Variants in PRMT8 observed in about 807,000 individuals in gnomAD.
The protein encoded by PRMT8 is protein arginine methyltransferase 8.
PRMT8 carries 7 observed loss-of-function variants against 47.1 expected under a neutral mutation model. The observed-to-expected ratio is 0.15, with a 90% CI of 0.08 to 0.28. The LOEUF is 0.28. PRMT8 is among the 10% of genes least tolerant of loss of function. The pLI is 1.00. For missense variants in PRMT8, 237 were observed against 505.4 expected (o/e 0.47, Z 5.09); for synonymous variants, 188 against 186.5 (o/e 1.01, Z -0.07).
intron 6 of PRMT8, among the ~76,000 whole-genome samples, chr12:3,574,238 G>A (rs1050512795): frequency 6.6e-6 from 1 of 152,242 alleles, no homozygotes; most frequent in Non-Finnish European, 1.5e-5. Flanking sequence ...GGAGCGTTTA[G>A]AGAAGGTCTC....
chr12:3,583,127 C>T lies in PRMT8; in HGVS notation c.898C>T (p.Arg300Cys), dbSNP rs1449179439. 3.7e-6 allele frequency: 6 copies of T among 1,613,916 alleles called. No individual in the cohort carries two copies. Among genetic ancestry groups the T allele is most frequent in the Non-Finnish European group, 5.1e-6 (6 of 1,179,946 alleles). The change falls in exon 8 of 10, where the codon CGC (arginine) becomes TGC (cysteine). Residue 300 changes from arginine to cysteine, a missense_variant. This residue lies in a region of PRMT8 where 151 missense variants were observed against 341.1 expected (regional missense o/e 0.44). Coordinates refer to ENST00000382622, the MANE Select transcript of PRMT8 (RefSeq NM_019854.5). This position sits in a 1 kb window ranked among gnomAD's most constrained non-coding sequence, Gnocchi z 4.7. ...FTSAFCLQIQ[R>C]NDYVHALVTY... The stretch of plus-strand genomic sequence containing the variant: ...ATCTGCATTCTGCCTGCAGATACAG[C>T]GCAACGACTACGTCCACGCCCTGGT...
intron 8 of PRMT8, among the ~76,000 whole-genome samples, chr12:3,591,566 G>C (rs889409023): frequency 2.6e-5 from 4 of 152,010 alleles, no homozygotes; most frequent in African/African-American, 7.3e-5. Flanking sequence ...ACAGATGTGT[G>C]CTACCACACT....
chr12:3,392,695 A>G (rs901478348), intron 1 of PRMT8, among the ~76,000 whole-genome samples: 2 of 152,172 alleles, frequency 1.3e-5, no homozygotes, highest in African/African-American at 4.8e-5. Context: ...TCTTTAAAGC[A>G]GCATGATTTG....
At position 3,451,033 on chromosome 12, in the gene PRMT8, A is replaced by ACCCCCCCCCCCC. The variant is rs71061115; in HGVS notation, c.48+69602_48+69613dup. Among the ~76,000 whole-genome samples, 19 of 26,120 alleles carry ACCCCCCCCCCCC rather than the reference A, an allele frequency of 7.3e-4. 8 individuals are homozygous for ACCCCCCCCCCCC. Among genetic ancestry groups the ACCCCCCCCCCCC allele is most frequent in the Non-Finnish European group, 1.0e-3 (15 of 15,062 alleles). The allele number at this position is 26,120 out of a possible 152,430, so 17.1% of individuals were successfully genotyped here. On this transcript the variant is annotated intron_variant, in intron 1 of 9. Transcript: ENST00000452611. ...TGAAAGCAGTTTTGATCTTGCTGAC[A>ACCCCCCCCCCCC]CCCCCCCCCCCCCCCCCCCCCCGCC... is the stretch of plus-strand genomic sequence containing the variant.
At position 3,538,771 on chromosome 12, in the gene PRMT8, C is replaced by T. The variant is rs1277308314; in HGVS notation, c.76-1835C>T. ...AGTCTATTTTTAGCCTCCCAGAGAC[C>T]GTGACCAACATCCCAAGCTGAGAGT... is the stretch of plus-strand genomic sequence containing the variant. On this transcript the variant is annotated intron_variant, in intron 1 of 9. Coordinates refer to ENST00000382622, the MANE Select transcript of PRMT8 (RefSeq NM_019854.5). The surrounding 1 kb of genome is among the most constrained non-coding windows in gnomAD (Gnocchi z 4.6). The T allele has an allele frequency of 4.6e-5, 24 of 517,662 alleles. No homozygotes were observed. The highest frequency in any genetic ancestry group is 2.2e-4 in the South Asian group (16 of 71,430). 32.1% of individuals were successfully genotyped at this position (517,662 alleles called of 1,614,324 possible).
intron 4 of PRMT8, among the ~76,000 whole-genome samples, chr12:3,567,377 GCTCTCATCA>G (rs1175705642): frequency 6.6e-6 from 1 of 152,214 alleles, no homozygotes; most frequent in African/African-American, 2.4e-5. Flanking sequence ...CAGAGCCCAT[GCTCTCATCA>G]AAATATCAAT....
chr12:3,386,776 C>T (rs1387958128), intron 1 of PRMT8, among the ~76,000 whole-genome samples: 3 of 151,204 alleles, frequency 2.0e-5, no homozygotes, highest in Non-Finnish European at 4.4e-5. Context: ...ATGGCGCAAT[C>T]GTGGCTCACT....
At chr12:3,584,707 C>T (rs1867134399) in intron 8 of PRMT8, among the ~76,000 whole-genome samples, 1 of 152,184 alleles carries the variant, frequency 6.6e-6, no homozygotes, top group South Asian at 2.1e-4. Context: ...AGTGAGTGCA[C>T]AAGCACATGC....
intron 1 of PRMT8, among the ~76,000 whole-genome samples, chr12:3,447,508 T>C (rs1864870811): frequency 6.6e-6 from 1 of 152,108 alleles, no homozygotes; most frequent in African/African-American, 2.4e-5. Flanking sequence ...CCTCTCGCAC[T>C]CAGTCACCAA....
intron 7 of PRMT8, among the ~76,000 whole-genome samples, chr12:3,578,128 T>A (rs1866982748): frequency 1.3e-5 from 2 of 152,218 alleles, no homozygotes; most frequent in African/African-American, 4.8e-5. Context: ...AAAAATTTTT[T>A]TTGAGACAGA....
intron 1 of PRMT8, 73 bp downstream of exon 1, chr12:3,491,773 T>G (rs1865406571): frequency 1.7e-5 from 26 of 1,536,586 alleles, no homozygotes; most frequent in Non-Finnish European, 2.3e-5. Context: ...CCGCCGCCGC[T>G]CAGCGCCGAG....
intron 1 of PRMT8, among the ~76,000 whole-genome samples, chr12:3,397,772 C>A (rs11835049): frequency 0.31 from 47,449 of 150,828 alleles, 8,542 homozygotes; most frequent in African/African-American, 0.49. Flanking sequence ...TTGTTTACCT[C>A]AGCAAGCCCG....
chr12:3,522,648 T>TA (rs57112104), intron 1 of PRMT8, among the ~76,000 whole-genome samples: 82 of 131,026 alleles, frequency 6.3e-4, no homozygotes, highest in African/African-American at 2.1e-3. Context: ...GAGACTCCAT[T>TA]AAAAAAAAAA....
chr12:3,575,297 T>A (rs1866918126), intron 6 of PRMT8, among the ~76,000 whole-genome samples: 1 of 152,246 alleles, frequency 6.6e-6, no homozygotes, highest in Non-Finnish European at 1.5e-5. Context: ...GAACATACGT[T>A]CCCTAAGGTC....
rs772370715 is a variant in PRMT8 at position 3,572,484 on chromosome 12, G to A, written c.712+2920G>A. On this transcript the variant is annotated intron_variant, in intron 6 of 9. Coordinates refer to ENST00000382622, the MANE Select transcript of PRMT8 (RefSeq NM_019854.5). The surrounding 1 kb of genome is among the most constrained non-coding windows in gnomAD (Gnocchi z 5.9). ...TGAGAGAGATGGGCACCAGTTTCTT[G>A]GCTGATGAGAAGACTGAAAGAAAGA... is the stretch of plus-strand genomic sequence containing the variant. Among the ~76,000 whole-genome samples, 9 of 152,186 alleles carry A rather than the reference G, an allele frequency of 5.9e-5. No homozygotes were observed. The highest frequency in any genetic ancestry group is 1.2e-4 in the African/African-American group (5 of 41,440).
chr12:3,556,988 A>T (rs921394884), intron 4 of PRMT8, among the ~76,000 whole-genome samples: 5 of 152,136 alleles, frequency 3.3e-5, no homozygotes, highest in African/African-American at 1.2e-4. Flanking sequence ...GTGGGTCCAG[A>T]TGGAGGTGCC....
intron 1 of PRMT8, among the ~76,000 whole-genome samples, chr12:3,429,527 T>C (rs1327592993): frequency 6.6e-6 from 1 of 152,086 alleles, no homozygotes; most frequent in East Asian, 1.9e-4. Flanking sequence ...TTATACCAAA[T>C]CTGAACCAAA....
At chr12:3,419,047 G>A (rs145053083) in intron 1 of PRMT8, among the ~76,000 whole-genome samples, 3 of 152,336 alleles carry the variant, frequency 2.0e-5, no homozygotes, top group Non-Finnish European at 4.4e-5. Context: ...ATACACAGAC[G>A]TTTTGTGGAT....
intron 8 of PRMT8, among the ~76,000 whole-genome samples, chr12:3,590,258 A>C (rs948293420): frequency 3.3e-5 from 5 of 152,200 alleles, no homozygotes; most frequent in African/African-American, 4.8e-5. Flanking sequence ...TCTCTCTCCA[A>C]ACCACTGACA....
Sources: allele counts gnomAD v4.1 joint callset (sites outside exome capture counted in the v4.1 genomes callset), GRCh38; gene constraint gnomAD v4.1.1; regional missense constraint gnomAD v4.1.1; non-coding constraint Gnocchi (gnomAD v3.1); transcripts MANE v1.5; gene names NCBI Gene and HGNC (gene_info 2026-07-23, HGNC 2026-07-21).